The following GNAI3 variants were observed in gnomAD, a reference collection of about 807,000 sequenced individuals.
GNAI3 encodes G protein subunit alpha i3.
Under a neutral mutation model 41.8 loss-of-function variants are expected in GNAI3, and 12 were observed. That is an observed-to-expected ratio of 0.29 (90% CI 0.18 to 0.47). The LOEUF is 0.47. Among genes scored for constraint, GNAI3 ranks in the 20% least tolerant of loss-of-function variants. The probability of loss-of-function intolerance (pLI) is 1.00; values close to 1 mark genes in which losing one functional copy is unlikely to be tolerated. For missense variants in GNAI3, 360 were observed against 429.6 expected, an observed-to-expected ratio of 0.84 and a Z score of 1.43; for synonymous variants, 132 against 146.5, an observed-to-expected ratio of 0.90 and a Z score of 0.71.
At chr1:109,578,092 A>G (rs1332216921) in intron 3 of GNAI3, among the ~76,000 whole-genome samples, 1 of 152,206 alleles carries the variant, frequency 6.6e-6, no homozygotes, top group Non-Finnish European at 1.5e-5. Flanking sequence ...GATGGATAGA[A>G]TAAAGGAAAA....
chr1:109,583,688 C>G (rs1360749358), intron 5 of GNAI3, among the ~76,000 whole-genome samples: 1 of 151,864 alleles, frequency 6.6e-6, no homozygotes, highest in Non-Finnish European at 1.5e-5. Flanking sequence ...TCAAGTGATT[C>G]TCCTGCCTCA....
chr1:109,574,944 T>G (rs1056317247), intron 3 of GNAI3, among the ~76,000 whole-genome samples: 2 of 152,182 alleles, frequency 1.3e-5, no homozygotes, highest in Non-Finnish European at 2.9e-5. Flanking sequence ...GAATTTATAT[T>G]TGATAAAAAG....
At chr1:109,553,883 A>G (rs1475624245) in intron 1 of GNAI3, among the ~76,000 whole-genome samples, 4 of 152,056 alleles carry the variant, frequency 2.6e-5, no homozygotes, top group Admixed American at 6.6e-5. Flanking sequence ...CGAGTCCCCA[A>G]AGTCCGTTGT....
At chr1:109,581,891 A>AAAAACAAAAC (rs71069694) in intron 4 of GNAI3, among the ~76,000 whole-genome samples, 51 of 150,798 alleles carry the variant, frequency 3.4e-4, no homozygotes, top group Admixed American at 1.5e-3. Context: ...TCTGTCTCAA[A>AAAAACAAAAC]AAAACAAAAC....
intron 1 of GNAI3, among the ~76,000 whole-genome samples, chr1:109,556,817 T>C (rs957813609): frequency 3.9e-5 from 6 of 152,246 alleles, no homozygotes; most frequent in African/African-American, 1.2e-4. Flanking sequence ...TTTTGGACTT[T>C]AAGGACCAGA....
At chr1:109,557,700 G>A (rs1004463357) in intron 1 of GNAI3, among the ~76,000 whole-genome samples, 2 of 151,862 alleles carry the variant, frequency 1.3e-5, no homozygotes, top group Admixed American at 6.6e-5. Flanking sequence ...CTCACGCACC[G>A]CCTGACCCGG....
intron 1 of GNAI3, among the ~76,000 whole-genome samples, chr1:109,563,251 T>C (rs879351398): frequency 6.6e-6 from 1 of 152,194 alleles, no homozygotes; most frequent in African/African-American, 2.4e-5. Flanking sequence ...TGTGGTGATG[T>C]GCACCTGTGG....
intron 1 of GNAI3, 61 bp from the exon 2 acceptor site, chr1:109,573,676 T>A: frequency 7.5e-7 from 1 of 1,328,702 alleles, no homozygotes; most frequent in Non-Finnish European, 1.1e-6. Context: ...TCATTCATGT[T>A]GATATTATAC....
In GNAI3 at chr1:109,548,702, C is replaced by A. The variant is rs377287472; in HGVS notation, c.-19C>A. 33 of 1,568,852 alleles carry A rather than the reference C, an allele frequency of 2.1e-5. No individual in the cohort carries two copies. The African/African-American group carries it at 3.2e-4, about 15-fold the overall frequency. On this transcript the variant is annotated 5_prime_UTR_variant, in exon 1 of 9. Coordinates refer to ENST00000369851, the MANE Select transcript of GNAI3 (RefSeq NM_006496.4). ...GGTGTGAGTGAGTCCGGGCCCGTGT[C>A]CCCTCTCCCGCCGCCGCCATGGGCT...
intron 3 of GNAI3, among the ~76,000 whole-genome samples, chr1:109,578,413 G>A (rs1236780017): frequency 7.0e-6 from 1 of 143,332 alleles, no homozygotes; most frequent in African/African-American, 2.6e-5. Context: ...GAGGTTACAA[G>A]GAGCCGAGAT....
rs367561289 is a variant in GNAI3, at chr1:109,579,404, G to A, written c.461+43G>A. The A allele has an allele frequency of 1.5e-5, 22 of 1,455,192 alleles. No individual in the cohort carries two copies. The African/African-American group carries it at 2.7e-4, about 18-fold the overall frequency. 90.1% of individuals were successfully genotyped at this position (1,455,192 alleles called of 1,614,324 possible). A position where few individuals can be genotyped will look rare whatever the true frequency, so the allele number is the denominator to read the frequency against. On this transcript the variant is annotated intron_variant, in intron 4 of 8. Coordinates refer to ENST00000369851, the MANE Select transcript of GNAI3 (RefSeq NM_006496.4). ...GTGAAACTATAACAGAGAATAACTT[G>A]GTGACACTACAGAAATTTTAGTCCC...
intron 1 of GNAI3, among the ~76,000 whole-genome samples, chr1:109,572,653 G>A (rs1320746338): frequency 6.6e-6 from 1 of 152,130 alleles, no homozygotes; most frequent in South Asian, 2.1e-4. Context: ...TAGAGAAAAT[G>A]GTGTGGTAGC....
At chr1:109,573,244 G>A (rs903942251) in intron 1 of GNAI3, among the ~76,000 whole-genome samples, 1 of 152,130 alleles carries the variant, frequency 6.6e-6, no homozygotes, top group African/African-American at 2.4e-5. Flanking sequence ...CATATGGTGA[G>A]AAATTGATAG....
At chr1:109,576,213 C>T (rs1392744244) in intron 3 of GNAI3, among the ~76,000 whole-genome samples, 2 of 151,866 alleles carry the variant, frequency 1.3e-5, no homozygotes, top group African/African-American at 4.8e-5. Context: ...GGATTACAGG[C>T]GCCTGCCACC....
Position 109,548,815 on chromosome 1 carries a change from A to T in GNAI3, c.95A>T (p.Lys32Ile). The part of the protein sequence containing the change: ...NLREDGEKAA[K>I]EVKLLLLGAG... ...CGGGAGGACGGGGAAAAAGCGGCCA[A>T]AGAAGTGAAGCTGCTGCTACTCGGT... The change falls in exon 1 of 9, where the codon AAA becomes ATA. Residue 32 changes from lysine (K) to isoleucine (I), a missense_variant. By Grantham distance (102) the Lys-to-Ile change is moderately radical (BLOSUM62 -3). Coordinates refer to ENST00000369851, the MANE Select transcript of GNAI3 (RefSeq NM_006496.4). 6.2e-7 allele frequency: 1 copy of T among 1,609,334 alleles called. No individual in the cohort carries two copies. Among genetic ancestry groups the T allele is most frequent in the Non-Finnish European group, 8.5e-7 (1 of 1,176,840 alleles).
At chr1:109,562,088 A>G (rs1648326165) in intron 1 of GNAI3, among the ~76,000 whole-genome samples, 1 of 152,188 alleles carries the variant, frequency 6.6e-6, no homozygotes, top group Non-Finnish European at 1.5e-5. Flanking sequence ...TGTATTATGT[A>G]TGTATGTGTA....
chr1:109,593,950 T>A lies in GNAI3; in HGVS notation c.*1628T>A, dbSNP rs1469678150. 2 of 152,590 alleles carry A rather than the reference T, an allele frequency of 1.3e-5. No individual in the cohort carries two copies. The highest frequency in any genetic ancestry group is 2.9e-5 in the Non-Finnish European group (2 of 68,024). 9.5% of individuals were successfully genotyped at this position (152,590 alleles called of 1,614,324 possible). On this transcript the variant is annotated 3_prime_UTR_variant, in exon 9 of 9. Coordinates refer to ENST00000369851, the MANE Select transcript of GNAI3 (RefSeq NM_006496.4). ...TCTTTTGATGTGACTTTTCACTAGT[T>A]TACAAAAAAAAGGTTGGTGGTCAAC...
intron 3 of GNAI3, among the ~76,000 whole-genome samples, chr1:109,578,703 A>G (rs552822787): frequency 6.6e-6 from 1 of 152,132 alleles, no homozygotes; most frequent in East Asian, 1.9e-4. Flanking sequence ...TTCTTGTTCT[A>G]CTGTCTGGGC....
At chr1:109,555,628 A>G (rs531330339) in intron 1 of GNAI3, among the ~76,000 whole-genome samples, 25 of 152,302 alleles carry the variant, frequency 1.6e-4, no homozygotes, top group African/African-American at 5.5e-4. Flanking sequence ...AGGGCATGTA[A>G]GGTTCTAATA....
Sources: gnomAD v4.1 joint callset for allele counts (sites outside exome capture counted in the v4.1 genomes callset) on GRCh38, gnomAD v4.1.1 for gene constraint, MANE v1.5 for transcripts, NCBI Gene and HGNC (gene_info 2026-07-23, HGNC 2026-07-21) for gene names.